Variants in RAI14 observed in about 807,000 individuals in gnomAD.
The protein encoded by RAI14 is ankycorbin.
RAI14 carries 45 observed loss-of-function variants against 115.4 expected under a neutral mutation model. The ratio of observed to expected loss-of-function variants is 0.39; its 90% confidence interval spans 0.31 to 0.50. The LOEUF (loss-of-function observed/expected upper bound fraction) is 0.50, where lower values mean the gene tolerates loss of function less well. Among genes scored for constraint, RAI14 ranks in the 20% least tolerant of loss-of-function variants. RAI14 has a pLI of 0.85. For synonymous variants in RAI14, 371 were observed against 415.4 expected (o/e 0.89, Z 1.30); for missense variants, 939 against 1,131.2 (o/e 0.83, Z 2.44).
chr5:34,808,176 G>C (rs111813999), intron 6 of RAI14, among the ~76,000 whole-genome samples: 13,836 of 152,230 alleles, frequency 0.091, 914 homozygotes, highest in South Asian at 0.13. Flanking sequence ...CAGACTTTTT[G>C]ATTTGAGGAT....
intron 3 of RAI14, among the ~76,000 whole-genome samples, chr5:34,777,859 G>A (rs1014941914): frequency 7.5e-6 from 1 of 132,874 alleles, no homozygotes; most frequent in African/African-American, 2.5e-5. Flanking sequence ...TGGGACAGGT[G>A]TGTGGTGTGT....
chr5:34,805,283 C>T (rs1237910522), intron 5 of RAI14, among the ~76,000 whole-genome samples: 3 of 152,156 alleles, frequency 2.0e-5, no homozygotes, highest in Non-Finnish European at 4.4e-5. Context: ...GGGCTGTTTT[C>T]CCAGGTCCTG....
chr5:34,675,680 G>A (rs553712193), intron 1 of RAI14, among the ~76,000 whole-genome samples: 1 of 152,072 alleles, frequency 6.6e-6, no homozygotes, highest in Admixed American at 6.5e-5. Flanking sequence ...GAGCCCAGGA[G>A]TTTGAGGCTG....
At chr5:34,719,884 C>A (rs972719476) in intron 2 of RAI14, among the ~76,000 whole-genome samples, 1 of 152,156 alleles carries the variant, frequency 6.6e-6, no homozygotes, top group Non-Finnish European at 1.5e-5. Flanking sequence ...AAAATAAAGT[C>A]TTAAAATCAG....
intron 1 of RAI14, among the ~76,000 whole-genome samples, chr5:34,674,771 T>G (rs1743859409): frequency 1.3e-5 from 2 of 152,090 alleles, no homozygotes; most frequent in Admixed American, 1.3e-4. Context: ...TATTTTTTAG[T>G]GGAGACGGGG....
chr5:34,824,572 TGTTG>T, intron 15 of RAI14, 81 bp downstream of exon 15: 1 of 1,165,540 alleles, frequency 8.6e-7, no homozygotes, highest in Non-Finnish European at 1.2e-6. Context: ...ATATTTCTAG[TGTTG>T]GCACTAAACT....
chr5:34,801,836 C>T (rs1372451314), intron 4 of RAI14, among the ~76,000 whole-genome samples: 2 of 152,030 alleles, frequency 1.3e-5, no homozygotes, highest in East Asian at 1.9e-4. Context: ...TTTGTGAGGC[C>T]GAGGCAGGAG....
intron 3 of RAI14, among the ~76,000 whole-genome samples, chr5:34,761,864 G>A (rs940788308): frequency 7.2e-5 from 11 of 152,200 alleles, no homozygotes; most frequent in African/African-American, 2.7e-4. Context: ...TTGGCCTCAA[G>A]TGATCCTCCT....
intron 2 of RAI14, among the ~76,000 whole-genome samples, chr5:34,687,212 G>A (rs567192391): frequency 4.3e-4 from 66 of 152,038 alleles, no homozygotes; most frequent in Non-Finnish European, 7.8e-4. Flanking sequence ...GAAAGGAACC[G>A]TCACATTAAA....
chr5:34,750,256 C>T (rs569542555), intron 2 of RAI14, among the ~76,000 whole-genome samples: 3 of 151,840 alleles, frequency 2.0e-5, no homozygotes, highest in South Asian at 2.1e-4. Context: ...TCAATAGCAC[C>T]GAACTCTGAA....
At chr5:34,740,306 G>C (rs1745344964) in intron 2 of RAI14, among the ~76,000 whole-genome samples, 1 of 152,120 alleles carries the variant, frequency 6.6e-6, no homozygotes, top group African/African-American at 2.4e-5. Flanking sequence ...TTAGATTAAG[G>C]CCTGAATCCA....
chr5:34,712,868 G>C (rs896316885), intron 2 of RAI14, among the ~76,000 whole-genome samples: 1 of 152,058 alleles, frequency 6.6e-6, no homozygotes, highest in Non-Finnish European at 1.5e-5. Context: ...ATGCCATGCG[G>C]TATTATTTTT....
Position 34,808,669 on chromosome 5 carries a change from GT to G in RAI14, c.450+16del. On this transcript the variant is annotated intron_variant, in intron 7 of 17. Coordinates refer to ENST00000265109, the MANE Select transcript of RAI14 (RefSeq NM_015577.3). Reference sequence around the variant, plus strand: ...TCAAAGATTTGGTAAGTACCAGGTGGTCACTAGAGGCAGAGGTAGACATTGG... The same window carrying G: ...TCAAAGATTTGGTAAGTACCAGGTGGCACTAGAGGCAGAGGTAGACATTGG... 6.2e-7 allele frequency: 1 copy of G among 1,610,638 alleles called. No homozygotes were observed. Among genetic ancestry groups the G allele is most frequent in the Non-Finnish European group, 8.5e-7 (1 of 1,176,898 alleles).
At chr5:34,711,437 G>A (rs910172189) in intron 2 of RAI14, among the ~76,000 whole-genome samples, 1 of 152,190 alleles carries the variant, frequency 6.6e-6, no homozygotes, top group Non-Finnish European at 1.5e-5. Flanking sequence ...GATCAGTGAG[G>A]GTGGGGCAGA....
Position 34,734,747 on chromosome 5 carries a change from C to T in RAI14, c.37-22721C>T, listed in dbSNP as rs1348349440. Among the ~76,000 whole-genome samples, 10 of 151,944 alleles carry T rather than the reference C, an allele frequency of 6.6e-5. No homozygotes were observed. The East Asian group carries it at 7.7e-4, about 12-fold the overall frequency. ...CGCAATCTCGGCTCACTGCAAGCTC[C>T]GCCTCCCAGGTTCAAGCAATTCTCC... On this transcript the variant is annotated intron_variant, in intron 2 of 17. Coordinates refer to ENST00000265109, the MANE Select transcript of RAI14 (RefSeq NM_015577.3).
intron 2 of RAI14, among the ~76,000 whole-genome samples, chr5:34,713,639 A>C (rs1239103347): frequency 6.6e-6 from 1 of 152,090 alleles, no homozygotes; most frequent in Non-Finnish European, 1.5e-5. Context: ...GTCTCAATTG[A>C]CCTTCCTTCC....
intron 6 of RAI14, 69 bp from the exon 7 acceptor site, chr5:34,808,515 A>G: frequency 7.3e-7 from 1 of 1,374,504 alleles, no homozygotes; most frequent in Non-Finnish European, 1.0e-6. Flanking sequence ...TCCTTCCTGA[A>G]GTATCTGATA....
intron 1 of RAI14, among the ~76,000 whole-genome samples, chr5:34,668,714 C>A (rs958960072): frequency 2.4e-4 from 36 of 152,088 alleles, no homozygotes; most frequent in African/African-American, 8.0e-4. Context: ...TTTAAAATAT[C>A]GGCATGGAAA....
At chr5:34,744,363 G>A (rs1410295595) in intron 2 of RAI14, among the ~76,000 whole-genome samples, 1 of 152,062 alleles carries the variant, frequency 6.6e-6, no homozygotes, top group Non-Finnish European at 1.5e-5. Context: ...AAATGCTTTT[G>A]TGTAACTACA....
Sources: allele counts gnomAD v4.1 joint callset (sites outside exome capture counted in the v4.1 genomes callset), GRCh38; gene constraint gnomAD v4.1.1; transcripts MANE v1.5; gene names NCBI Gene and HGNC (gene_info 2026-07-23, HGNC 2026-07-21).